DIO2: variants seen among roughly 807,000 people sequenced by gnomAD.
The protein encoded by DIO2 is iodothyronine deiodinase 2.
Under a neutral mutation model 21.4 loss-of-function variants are expected in DIO2, and 19 were observed. The ratio of observed to expected loss-of-function variants is 0.89; its 90% CI spans 0.62 to 1.30. The LOEUF (loss-of-function observed/expected upper bound fraction) is 1.30. Ranked by LOEUF, DIO2 falls within the 50% of genes most tolerant of loss-of-function variation. DIO2 has a pLI of 0.00. For synonymous variants in DIO2, 122 were observed against 132.9 expected (o/e 0.92, Z 0.57); for missense variants, 302 against 338.1 (o/e 0.89, Z 0.84).
Position 80,209,174 on chromosome 14 carries a change from T to C in DIO2, c.222+2077A>G, listed in dbSNP as rs546830577. On this transcript the variant is annotated intron_variant, in intron 1 of 1. Coordinates refer to ENST00000438257, the MANE Select transcript of DIO2 (RefSeq NM_013989.5). The stretch of plus-strand genomic sequence containing the variant: ...TTTATTGAAGACGTATTTGTTTGCT[T>C]TTCCATTTTATGTTCAATAAGCTGC... Among the ~76,000 whole-genome samples the C allele has an allele frequency of 7.9e-5, 12 of 152,302 alleles. No individual in the cohort carries two copies. In the South Asian group the frequency reaches 2.3e-3, roughly 29 times the overall value.
rs968161518 is a variant in DIO2 at position 80,222,390 on chromosome 14, T to G, written c.-277-5653A>C. Among the ~76,000 whole-genome samples, 25 of 152,184 alleles carry G rather than the reference T, an allele frequency of 1.6e-4. 1 individual carries two copies. The highest frequency in any genetic ancestry group is 8.5e-4 in the Admixed American group (13 of 15,280). On this transcript the variant is annotated intron_variant, in intron 2 of 4. Coordinates refer to the DIO2 transcript ENST00000553594. The stretch of plus-strand genomic sequence containing the variant: ...AGAGATAAACACTGTCAAACAGAAA[T>G]GATTACAAAGTTTGTAACAATCTGC...
chr14:80,197,875 C>T lies in DIO2; in HGVS notation c.*4814G>A, dbSNP rs890165173. 1.3e-5 allele frequency: 2 copies of T among 152,652 alleles called. No homozygotes were observed. The highest frequency in any genetic ancestry group is 1.9e-4 in the East Asian group (1 of 5,192). 9.5% of individuals were successfully genotyped at this position (152,652 alleles called of 1,614,324 possible). On this transcript the variant is annotated 3_prime_UTR_variant, in exon 2 of 2. Transcript: ENST00000438257. ...CTCTGCACATCTCTGTCTCCCTCTT[C>T]GGGCGCCCGATTACTTGGGCTAGTG... is the stretch of plus-strand genomic sequence containing the variant.
upstream of DIO2, chr14:80,211,893 CTG>C (rs1016201646): frequency 6.8e-6 from 1 of 148,110 alleles, no homozygotes; most frequent in African/African-American, 2.5e-5. Context: ...ACCTATGAGA[CTG>C]TGGCAGAGAT....
At chr14:80,210,125 C>T (rs1888116499) in intron 1 of DIO2, among the ~76,000 whole-genome samples, 1 of 152,180 alleles carries the variant, frequency 6.6e-6, no homozygotes, top group Admixed American at 6.6e-5. Context: ...CAAGGTCCCA[C>T]AACACTTTTA....
At chr14:80,226,671 T>C (rs934452917) in intron 2 of DIO2, among the ~76,000 whole-genome samples, 1 of 152,184 alleles carries the variant, frequency 6.6e-6, no homozygotes, top group Non-Finnish European at 1.5e-5. Flanking sequence ...TGAGTGGAAG[T>C]CCATGTTGCT....
intron 1 of DIO2, among the ~76,000 whole-genome samples, chr14:80,204,501 G>C (rs1887875157): frequency 6.6e-6 from 1 of 152,106 alleles, no homozygotes; most frequent in African/African-American, 2.4e-5. Flanking sequence ...ATCATAAAAA[G>C]CAGGCAACAA....
intron 2 of DIO2, among the ~76,000 whole-genome samples, chr14:80,229,457 A>T (rs1051417639): frequency 6.6e-6 from 1 of 152,180 alleles, no homozygotes; most frequent in Non-Finnish European, 1.5e-5. Context: ...GAGCAATTAT[A>T]GGGCTCTTCA....
intron 2 of DIO2, chr14:80,230,993 G>A (rs1410633637): frequency 6.6e-6 from 1 of 152,220 alleles, no homozygotes. Flanking sequence ...GGAGTCCGAT[G>A]TTTGAGGGCA....
Position 80,199,937 on chromosome 14 carries a change from T to G in DIO2, c.*2752A>C, listed in dbSNP as rs765515037. ...CTACAATTCTTCAAAGGAACAAACC[T>G]TATAAAACACATGAAACGCACATGA... is the stretch of plus-strand genomic sequence containing the variant. On this transcript the variant is annotated 3_prime_UTR_variant, in exon 2 of 2. Transcript: ENST00000438257. 2 of 152,564 alleles carry G rather than the reference T, an allele frequency of 1.3e-5. No individual in the cohort carries two copies. The highest frequency in any genetic ancestry group is 2.9e-5 in the Non-Finnish European group (2 of 68,014). The allele number at this position is 152,564 out of a possible 1,614,324, so 9.5% of individuals were successfully genotyped here. A position where few individuals can be genotyped will look rare whatever the true frequency, so the allele number is the denominator to read the frequency against.
rs1457789966 is a variant in DIO2, at chr14:80,201,480, T to C, written c.*1209A>G. On this transcript the variant is annotated 3_prime_UTR_variant, in exon 2 of 2. Coordinates refer to ENST00000438257, the MANE Select transcript of DIO2 (RefSeq NM_013989.5). ...ACCTCCCGCAGCAGCTGAGAATATA[T>C]ATACATATATTTGTATGTATGTATG... 1.3e-5 allele frequency: 2 copies of C among 152,208 alleles called. No homozygotes were observed. The highest frequency in any genetic ancestry group is 2.9e-5 in the Non-Finnish European group (2 of 68,052). 9.4% of individuals were successfully genotyped at this position (152,208 alleles called of 1,614,324 possible).
upstream of DIO2, chr14:80,211,537 G>A (rs1888196479): frequency 1.1e-6 from 1 of 916,352 alleles, no homozygotes; most frequent in Non-Finnish European, 1.6e-6. Flanking sequence ...TTATTTAAAA[G>A]GGGGGTGGTG....
intron 1 of DIO2, 120 bp downstream of exon 1, chr14:80,211,131 G>A: frequency 2.1e-6 from 2 of 935,182 alleles, no homozygotes; most frequent in South Asian, 3.4e-5. Context: ...GGCTCACTTG[G>A]CAACCCCACA....
chr14:80,226,221 C>T (rs11847987), intron 2 of DIO2, among the ~76,000 whole-genome samples: 84,340 of 151,940 alleles, frequency 0.56, 24,779 homozygotes, highest in East Asian at 0.79. Flanking sequence ...TAGTTGGTAT[C>T]GTAATTGTGA....
intron 1 of DIO2, among the ~76,000 whole-genome samples, chr14:80,204,591 G>C (rs1243204140): frequency 6.6e-6 from 1 of 152,114 alleles, no homozygotes; most frequent in East Asian, 1.9e-4. Context: ...AATAACATTA[G>C]GGACAATTTA....
At chr14:80,204,974 G>C (rs1365901334) in intron 1 of DIO2, among the ~76,000 whole-genome samples, 1 of 152,076 alleles carries the variant, frequency 6.6e-6, no homozygotes, top group East Asian at 1.9e-4. Context: ...ATTTAAGTAA[G>C]TACATTTGTT....
At chr14:80,230,582 G>A (rs756428161) in intron 2 of DIO2, among the ~76,000 whole-genome samples, 2 of 152,136 alleles carry the variant, frequency 1.3e-5, no homozygotes, top group African/African-American at 2.4e-5. Context: ...AAGGTATGAT[G>A]TACAGAGTCA....
rs920836088 is a variant in DIO2 at position 80,200,611 on chromosome 14, G to T, written c.*2078C>A. The T allele has an allele frequency of 6.6e-6, 1 of 152,192 alleles. No homozygotes were observed. Among genetic ancestry groups the T allele is most frequent in the African/African-American group, 2.4e-5 (1 of 41,436 alleles). 9.4% of individuals were successfully genotyped at this position (152,192 alleles called of 1,614,324 possible). On this transcript the variant is annotated 3_prime_UTR_variant, in exon 2 of 2. Transcript: ENST00000438257. ...GGGGCAGAGATAAGCCTTGAATGTA[G>T]AAGTTAACAACTGAGGAATCTGAAA...
intron 2 of DIO2, among the ~76,000 whole-genome samples, chr14:80,225,167 G>A (rs1888547165): frequency 1.3e-5 from 2 of 152,114 alleles, no homozygotes; most frequent in Non-Finnish European, 2.9e-5. Flanking sequence ...TCTTTTGGTA[G>A]CACCCTCACA....
chr14:80,206,764 T>C (rs1266834779), intron 1 of DIO2, among the ~76,000 whole-genome samples: 2 of 152,190 alleles, frequency 1.3e-5, no homozygotes, highest in Non-Finnish European at 2.9e-5. Context: ...ATCATCTTAA[T>C]TTCTCCTTCT....
Sources: gnomAD v4.1 joint callset for allele counts (sites outside exome capture counted in the v4.1 genomes callset) on GRCh38, gnomAD v4.1.1 for gene constraint, MANE v1.5 for transcripts, NCBI Gene and HGNC (gene_info 2026-07-23, HGNC 2026-07-21) for gene names.